The following GNG7 variants were observed in gnomAD, a reference collection of about 807,000 sequenced individuals.
GNG7 encodes guanine nucleotide-binding protein G(I)/G(S)/G(O) subunit gamma-7.
A neutral mutation model predicts 4.0 loss-of-function variants in GNG7; 1 was observed. That is an observed-to-expected ratio of 0.25 (90% CI 0.09 to 1.18). GNG7 has a LOEUF of 1.18. Among genes scored for constraint, GNG7 ranks in the 50% most tolerant of loss-of-function variants. The pLI, the probability that GNG7 is intolerant of heterozygous loss-of-function variation, is 0.50. For missense variants in GNG7, 86 were observed against 91.9 expected (o/e 0.94, Z 0.26); for synonymous variants, 34 against 36.9 (o/e 0.92, Z 0.29).
chr19:2,681,954 G>A (rs547997307), intron 1 of GNG7, among the ~76,000 whole-genome samples: 2 of 152,244 alleles, frequency 1.3e-5, no homozygotes, highest in African/African-American at 4.8e-5. Flanking sequence ...CTGTTGCCCA[G>A]GCTGGAGTGC....
At chr19:2,540,717 G>C (rs1057504739) in intron 3 of GNG7, among the ~76,000 whole-genome samples, 1 of 152,184 alleles carries the variant, frequency 6.6e-6, no homozygotes, top group Non-Finnish European at 1.5e-5. Flanking sequence ...CGGGCAGCGG[G>C]ACAGACTGGC....
At chr19:2,571,671 C>G (rs960393225) in intron 2 of GNG7, among the ~76,000 whole-genome samples, 1 of 141,736 alleles carries the variant, frequency 7.1e-6, no homozygotes, top group Non-Finnish European at 1.5e-5. Flanking sequence ...TCTCGGCTCA[C>G]TGCAACCTCT....
At chr19:2,569,480 T>A (rs947149739) in intron 2 of GNG7, among the ~76,000 whole-genome samples, 3 of 152,086 alleles carry the variant, frequency 2.0e-5, no homozygotes, top group African/African-American at 7.2e-5. Flanking sequence ...GTTCACCGGG[T>A]TAGCCAGGAT....
intron 2 of GNG7, among the ~76,000 whole-genome samples, chr19:2,584,170 C>T (rs1980577144): frequency 2.0e-5 from 3 of 151,470 alleles, no homozygotes; most frequent in Non-Finnish European, 4.4e-5. Flanking sequence ...GGCTGGGTGC[C>T]AGTGGTTCAT....
At chr19:2,527,897 A>G (rs1410509247) in intron 3 of GNG7, among the ~76,000 whole-genome samples, 4 of 152,294 alleles carry the variant, frequency 2.6e-5, no homozygotes, top group Non-Finnish European at 5.9e-5. Flanking sequence ...GAAATCCTGC[A>G]GCTCAGAGTG....
In GNG7 at chr19:2,512,605, TG is replaced by T. The variant is rs1972671593; in HGVS notation, c.*2416del. The T allele has an allele frequency of 6.1e-6, 1 of 164,670 alleles. No individual in the cohort carries two copies. The allele number at this position is 164,670 out of a possible 1,614,324, so 10.2% of individuals were successfully genotyped here. ...CCTAGGAGCCCCGGCTGCCTGGGGC[TG>T]CGTCTCTGCAGCAGCCTCCGTTCCC... On this transcript the variant is annotated 3_prime_UTR_variant, in exon 5 of 5. Transcript: ENST00000382159. The surrounding 1 kb of genome is among the most constrained non-coding windows in gnomAD (Gnocchi z 4.7).
At chr19:2,644,479 C>T (rs192816036) in intron 2 of GNG7, among the ~76,000 whole-genome samples, 38 of 150,652 alleles carry the variant, frequency 2.5e-4, no homozygotes, top group African/African-American at 8.5e-4. Flanking sequence ...GTATTATCTG[C>T]GGCACCAAAA....
chr19:2,523,128 A>G (rs1056965117), intron 3 of GNG7, among the ~76,000 whole-genome samples: 2 of 151,640 alleles, frequency 1.3e-5, no homozygotes, highest in African/African-American at 4.8e-5. Context: ...CGACCTCCCA[A>G]AGTGCTGGGA....
rs1391196573 is a variant in GNG7, at chr19:2,546,593, G to A, written c.-38+8556C>T. Among the ~76,000 whole-genome samples the A allele has an allele frequency of 6.6e-6, 1 of 152,200 alleles. No individual in the cohort carries two copies. Among genetic ancestry groups the A allele is most frequent in the East Asian group, 1.9e-4 (1 of 5,194 alleles). ...GGGCTAAAGAGAGGGAATGAATGAG[G>A]TGCCCACGAGAAAGTGAAAAATAGA... On this transcript the variant is annotated intron_variant, in intron 3 of 4. Transcript: ENST00000382159. This position sits in a 1 kb window ranked among gnomAD's most constrained non-coding sequence, Gnocchi z 6.3.
rs977202243 is a variant in GNG7, at chr19:2,611,399, C to G, written c.-78+34825G>C. 1.3e-5 allele frequency: 2 copies of G among 152,278 alleles called. No individual in the cohort carries two copies. Among genetic ancestry groups the G allele is most frequent in the African/African-American group, 4.8e-5 (2 of 41,444 alleles). The allele number at this position is 152,278 out of a possible 1,614,324, so 9.4% of individuals were successfully genotyped here. ...GGTCATGGCCCGACAGGCGGCCTCG[C>G]TGTCACCACTGAGTGAGCTCGAGGT... is the stretch of plus-strand genomic sequence containing the variant. On this transcript the variant is annotated intron_variant, in intron 2 of 4. Transcript: ENST00000382159. The surrounding 1 kb of genome is among the most constrained non-coding windows in gnomAD (Gnocchi z 6.0).
rs147363482 is a variant in GNG7 at position 2,678,451 on chromosome 19, G to A, written c.-135+24195C>T. 3.5e-3 allele frequency among the ~76,000 whole-genome samples: 530 copies of A among 152,310 alleles called. 4 individuals carry two copies. Among genetic ancestry groups the A allele is most frequent in the African/African-American group, 0.012 (489 of 41,562 alleles). ...AAAAAAGTAACAGAGGAAAAGCCACGGAATGCAAACTTCCAGGGATGACAT... is the reference window on the plus strand; with the variant it reads ...AAAAAAGTAACAGAGGAAAAGCCACAGAATGCAAACTTCCAGGGATGACAT... On this transcript the variant is annotated intron_variant, in intron 1 of 4. Transcript: ENST00000382159.
chr19:2,592,027 A>G (rs1980863272), intron 2 of GNG7, among the ~76,000 whole-genome samples: 1 of 152,236 alleles, frequency 6.6e-6, no homozygotes, highest in African/African-American at 2.4e-5. Context: ...TTATTCGTCA[A>G]TGATTAACAG....
chr19:2,546,655 G>A lies in GNG7; in HGVS notation c.-38+8494C>T, dbSNP rs8099945. On this transcript the variant is annotated intron_variant, in intron 3 of 4. Transcript: ENST00000382159. The surrounding 1 kb of genome is among the most constrained non-coding windows in gnomAD (Gnocchi z 6.3). ...GGTCCCGCCGCTGCCTTCAGCCGGA[G>A]CTTGGAGCCTAAGAATGAGCCGGCT... Among the ~76,000 whole-genome samples, 12,419 of 152,282 alleles carry A rather than the reference G, an allele frequency of 0.082. 619 individuals carry two copies. Among genetic ancestry groups the A allele is most frequent in the South Asian group, 0.16 (788 of 4,822 alleles).
chr19:2,543,769 T>C (rs536957511), intron 3 of GNG7, among the ~76,000 whole-genome samples: 18 of 152,210 alleles, frequency 1.2e-4, no homozygotes, highest in Admixed American at 3.9e-4. Context: ...GCTTTTCCAG[T>C]CTGCTCATCA....
chr19:2,664,113 G>A (rs1237365688), intron 1 of GNG7, among the ~76,000 whole-genome samples: 4 of 152,170 alleles, frequency 2.6e-5, no homozygotes, highest in East Asian at 1.9e-4. Flanking sequence ...CCCCAGGCCC[G>A]GCTGCACTTC....
At chr19:2,599,273 C>G (rs1018289781) in intron 2 of GNG7, among the ~76,000 whole-genome samples, 2 of 152,052 alleles carry the variant, frequency 1.3e-5, no homozygotes, top group Admixed American at 6.6e-5. Context: ...GTCTGTCTGT[C>G]TGCTTGAGTA....
At chr19:2,649,411 T>TATTATTATTATTATTATTATTA (rs1555700253) in intron 1 of GNG7, among the ~76,000 whole-genome samples, 5 of 151,600 alleles carry the variant, frequency 3.3e-5, no homozygotes, top group East Asian at 2.0e-4. Flanking sequence ...TTATTATTAC[T>TATTATTATTATTATTATTATTA]TTTTGAGACG....
intron 2 of GNG7, among the ~76,000 whole-genome samples, chr19:2,561,564 C>T (rs1316122502): frequency 6.6e-6 from 1 of 151,974 alleles, no homozygotes; most frequent in Non-Finnish European, 1.5e-5. Flanking sequence ...CCCACAAGAG[C>T]CTCTCTCAGA....
chr19:2,624,983 C>T (rs1981980304), intron 2 of GNG7, among the ~76,000 whole-genome samples: 1 of 152,230 alleles, frequency 6.6e-6, no homozygotes, highest in South Asian at 2.1e-4. Flanking sequence ...GAGCCGGACC[C>T]CAGGCAGGGG....
Sources: allele counts gnomAD v4.1 joint callset (sites outside exome capture counted in the v4.1 genomes callset), GRCh38; gene constraint gnomAD v4.1.1; non-coding constraint Gnocchi (gnomAD v3.1); transcripts MANE v1.5; gene names NCBI Gene and HGNC (gene_info 2026-07-23, HGNC 2026-07-21).